The following ABCA13 variants were observed in gnomAD, a reference collection of about 807,000 sequenced individuals.
The protein encoded by ABCA13 is ATP binding cassette subfamily A member 13.
In ABCA13, 476 loss-of-function variants were observed where a neutral mutation model predicts 478.7. The ratio of observed to expected loss-of-function variants is 0.99; its 90% confidence interval spans 0.92 to 1.07. The LOEUF (loss-of-function observed/expected upper bound fraction) is 1.07, where lower values mean the gene tolerates loss of function less well. ABCA13 is among the 50% of genes least tolerant of loss of function. ABCA13 has a pLI of 0.00. For missense variants in ABCA13, 6,060 were observed against 5,910.6 expected (o/e 1.03, Z -0.83); for synonymous variants, 2,252 against 2,158.9 (o/e 1.04, Z -1.20).
chr7:48,276,617 CTACTT>C, intron 17 of ABCA13, 52 bp downstream of exon 17: 1 of 1,453,334 alleles, frequency 6.9e-7, no homozygotes, highest in Non-Finnish European at 9.5e-7. Context: ...ATATCTCAAA[CTACTT>C]TATTTTCTGG....
chr7:48,418,948 G>A (rs775208676), intron 41 of ABCA13, among the ~76,000 whole-genome samples: 2 of 152,202 alleles, frequency 1.3e-5, no homozygotes, highest in Admixed American at 6.5e-5. Flanking sequence ...TCAAGGTTCT[G>A]CAGGCTGTAC....
chr7:48,358,253 AGGG>A (rs1563115079), intron 31 of ABCA13, among the ~76,000 whole-genome samples: 1 of 5,884 alleles, frequency 1.7e-4, no homozygotes, highest in African/African-American at 6.6e-4. Flanking sequence ...AGGGGAGGGG[AGGG>A]GAGGGGAGGG....
At chr7:48,320,970 A>G (rs1418811966) in intron 27 of ABCA13, among the ~76,000 whole-genome samples, 6 of 152,174 alleles carry the variant, frequency 3.9e-5, no homozygotes, top group African/African-American at 9.7e-5. Flanking sequence ...TAGTAAACCA[A>G]TGGGATCTCC....
rs1013762473 is a variant in ABCA13, at chr7:48,562,112, G to T, written c.14355-18112G>T. On this transcript the variant is annotated intron_variant, in intron 55 of 61. Coordinates refer to ENST00000435803, the MANE Select transcript of ABCA13 (RefSeq NM_152701.5). The stretch of plus-strand genomic sequence containing the variant: ...GGACATATGCATATGTATGGGGGGG[G>T]AGGTGGATACAAAGTTTGCCTGCCT... Among the ~76,000 whole-genome samples the T allele has an allele frequency of 9.4e-5, 11 of 116,494 alleles. No individual in the cohort carries two copies. In the Admixed American group the frequency reaches 1.0e-3, roughly 11 times the overall value. 76.4% of individuals were successfully genotyped at this position (116,494 alleles called of 152,430 possible). A position where few individuals can be genotyped will look rare whatever the true frequency, so the allele number is the denominator to read the frequency against.
chr7:48,600,837 C>G (rs1232405407), intron 58 of ABCA13, among the ~76,000 whole-genome samples: 1 of 152,118 alleles, frequency 6.6e-6, no homozygotes, highest in Non-Finnish European at 1.5e-5. Flanking sequence ...GTAATCCATA[C>G]AATTGTCATT....
At chr7:48,281,516 C>G in intron 19 of ABCA13, 64 bp downstream of exon 19, 1 of 1,378,906 alleles carries the variant, frequency 7.3e-7, no homozygotes, top group Admixed American at 2.0e-5. Context: ...ACTCAGGTGT[C>G]AGAGAGATGA....
intron 17 of ABCA13, among the ~76,000 whole-genome samples, chr7:48,277,269 G>T (rs1259186901): frequency 6.6e-6 from 1 of 152,180 alleles, no homozygotes; most frequent in African/African-American, 2.4e-5. Context: ...CAGGGGCGCT[G>T]CGGGCATGAG....
rs563333696 is a variant in ABCA13, at chr7:48,273,677, A to G, written c.4011A>G (p.Val1337=). The G allele has an allele frequency of 1.9e-4, 312 of 1,607,888 alleles. 1 individual carries two copies. Among genetic ancestry groups the G allele is most frequent in the Admixed American group, 9.5e-4 (56 of 59,160 alleles). ...LREAIVFLRN[V]SHDRDLFSCA... ...AAGCAATAGTATTTCTTAGAAATGT[A>G]TCACATGATCGAGATTTGTTTTCCT... Residue 1337 remains valine, a synonymous_variant, in exon 17 of 62, where the codon GTA becomes GTG. Transcript: ENST00000435803.
At chr7:48,182,121 G>A (rs1353876045) in intron 1 of ABCA13, among the ~76,000 whole-genome samples, 1 of 152,046 alleles carries the variant, frequency 6.6e-6, no homozygotes, top group South Asian at 2.1e-4. Context: ...AAAGCACAAC[G>A]TCCTAAGTCA....
At chr7:48,627,885 T>G (rs966203410) in intron 59 of ABCA13, among the ~76,000 whole-genome samples, 24 of 152,160 alleles carry the variant, frequency 1.6e-4, no homozygotes, top group Non-Finnish European at 3.1e-4. Flanking sequence ...CCCACTTTAA[T>G]GAGAACTAGC....
At chr7:48,196,127 G>A (rs572710349) in intron 2 of ABCA13, among the ~76,000 whole-genome samples, 1 of 152,288 alleles carries the variant, frequency 6.6e-6, no homozygotes, top group African/African-American at 2.4e-5. Context: ...TGATTTAGTT[G>A]TAAATGATAG....
At chr7:48,219,276 T>C (rs1562803086) in intron 3 of ABCA13, 78 bp from the exon 4 acceptor site, 1 of 1,455,876 alleles carries the variant, frequency 6.9e-7, no homozygotes. Flanking sequence ...AGCAATTTGG[T>C]ATCAAGAATC....
At chr7:48,303,083 G>A (rs942089198) in intron 23 of ABCA13, among the ~76,000 whole-genome samples, 7 of 152,226 alleles carry the variant, frequency 4.6e-5, no homozygotes, top group African/African-American at 1.4e-4. Flanking sequence ...TGTCTCTAAT[G>A]ATCAGTAATA....
chr7:48,450,724 A>G lies in ABCA13; in HGVS notation c.12566-4313A>G, dbSNP rs536180685. On this transcript the variant is annotated intron_variant, in intron 42 of 61. Transcript: ENST00000435803. ...TTTTTGGTTAATACACGCTGTTAATACTTGGGTCATATTCCCTCTCCCACT... is the reference window on the plus strand; with the variant it reads ...TTTTTGGTTAATACACGCTGTTAATGCTTGGGTCATATTCCCTCTCCCACT... Among the ~76,000 whole-genome samples, 12 of 152,186 alleles carry G rather than the reference A, an allele frequency of 7.9e-5. No homozygotes were observed. In the South Asian group the frequency reaches 2.3e-3, roughly 29 times the overall value.
In ABCA13 at chr7:48,246,134, C is replaced by T. The variant is rs145897033; in HGVS notation, c.1659+104C>T. ...GGAGTTTCGATGAGGAAAGTTTTGC[C>T]GTAAGCCCACACACTTAAAGGAAGC... is the stretch of plus-strand genomic sequence containing the variant. On this transcript the variant is annotated intron_variant, in intron 13 of 61. Transcript: ENST00000435803. 621 of 1,284,914 alleles carry T rather than the reference C, an allele frequency of 4.8e-4. 1 individual carries two copies. The African/African-American group carries it at 7.9e-3, about 16-fold the overall frequency. The allele number at this position is 1,284,914 out of a possible 1,614,324, so 79.6% of individuals were successfully genotyped here.
intron 55 of ABCA13, among the ~76,000 whole-genome samples, chr7:48,553,587 C>A (rs1254275908): frequency 6.6e-6 from 1 of 151,916 alleles, no homozygotes; most frequent in Admixed American, 6.6e-5. Flanking sequence ...TTTCGTATAC[C>A]TGTTTGTCAT....
intron 56 of ABCA13, among the ~76,000 whole-genome samples, chr7:48,581,503 C>T (rs928568414): frequency 6.6e-6 from 1 of 152,040 alleles, no homozygotes; most frequent in Non-Finnish European, 1.5e-5. Context: ...AATTTTTAAT[C>T]GGTGTTTATC....
intron 37 of ABCA13, 124 bp from the exon 38 acceptor site, chr7:48,391,797 A>AC: frequency 1.1e-6 from 1 of 873,182 alleles, no homozygotes; most frequent in Non-Finnish European, 1.8e-6. Flanking sequence ...TTGTGTAAAA[A>AC]CCAGGTCAGC....
At chr7:48,345,486 C>T (rs546207276) in intron 29 of ABCA13, among the ~76,000 whole-genome samples, 1 of 149,982 alleles carries the variant, frequency 6.7e-6, no homozygotes, top group East Asian at 2.0e-4. Flanking sequence ...TAGGCCTAGG[C>T]TAATGTGTGG....
Sources: gnomAD v4.1 joint callset for allele counts (sites outside exome capture counted in the v4.1 genomes callset) on GRCh38, gnomAD v4.1.1 for gene constraint, MANE v1.5 for transcripts, NCBI Gene and HGNC (gene_info 2026-07-23, HGNC 2026-07-21) for gene names.